Variants in MORN5 observed in about 807,000 individuals in gnomAD.
MORN5 encodes the protein MORN repeat containing 5.
A neutral mutation model predicts 22.1 loss-of-function variants in MORN5; 21 were observed. The observed-to-expected ratio is 0.95, with a 90% CI of 0.67 to 1.37. The LOEUF is 1.37. Among genes scored for constraint, MORN5 ranks in the 40% most tolerant of loss-of-function variants. The pLI, the probability that MORN5 is intolerant of heterozygous loss-of-function variation, is 0.00. For synonymous variants in MORN5, 73 were observed against 74.0 expected, an observed-to-expected ratio of 0.99 and a Z score of 0.07; for missense variants, 211 against 215.1, an observed-to-expected ratio of 0.98 and a Z score of 0.12.
chr9:122,166,130 C>G (rs1473850123), intron 1 of MORN5, among the ~76,000 whole-genome samples: 1 of 152,078 alleles, frequency 6.6e-6, no homozygotes, highest in Non-Finnish European at 1.5e-5. Flanking sequence ...GAGACTTATT[C>G]ACTATCATGA....
At chr9:122,189,827 C>T (rs1373148439) in intron 4 of MORN5, among the ~76,000 whole-genome samples, 1 of 152,030 alleles carries the variant, frequency 6.6e-6, no homozygotes, top group African/African-American at 2.4e-5. Flanking sequence ...AGGATGGTCT[C>T]GATCTCCTGA....
chr9:122,183,253 C>A (rs1437894071), intron 4 of MORN5, among the ~76,000 whole-genome samples: 2 of 152,204 alleles, frequency 1.3e-5, no homozygotes, highest in Non-Finnish European at 2.9e-5. Context: ...CTAACTCTAG[C>A]CCTTCCCCCT....
Position 122,200,054 on chromosome 9 carries a change from T to G in MORN5, c.*123T>G. 1.1e-6 allele frequency: 1 copy of G among 917,826 alleles called. No individual in the cohort carries two copies. Among genetic ancestry groups the G allele is most frequent in the South Asian group, 1.4e-5 (1 of 70,636 alleles). The allele number at this position is 917,826 out of a possible 1,614,324, so 56.9% of individuals were successfully genotyped here. On this transcript the variant is annotated 3_prime_UTR_variant, in exon 5 of 5. Coordinates refer to ENST00000373764, the MANE Select transcript of MORN5 (RefSeq NM_198469.4). Reference sequence around the variant, plus strand: ...GGGCTGTAGTTCTAGAACCTGATTTTAACTCAGGAATAAAGACTTTCTGCG... The same window carrying G: ...GGGCTGTAGTTCTAGAACCTGATTTGAACTCAGGAATAAAGACTTTCTGCG...
intron 4 of MORN5, among the ~76,000 whole-genome samples, chr9:122,180,279 CTTCTTTTTTTTT>C (rs1347079088): frequency 8.1e-6 from 1 of 123,038 alleles, no homozygotes; most frequent in African/African-American, 3.0e-5. Context: ...ATGACATTTT[CTTCTTTTTTTTT>C]TTTTTTTTTT....
At chr9:122,164,416 T>C (rs1829246894) in intron 1 of MORN5, among the ~76,000 whole-genome samples, 1 of 151,974 alleles carries the variant, frequency 6.6e-6, no homozygotes, top group Non-Finnish European at 1.5e-5. Flanking sequence ...TAGGAGAGGT[T>C]TGGGGATTTT....
chr9:122,199,799 C>A, intron 4 of MORN5, 86 bp from the exon 5 acceptor site: 1 of 1,340,100 alleles, frequency 7.5e-7, no homozygotes, highest in Non-Finnish European at 1.1e-6. Flanking sequence ...CCATCCCAGT[C>A]CCAACGCCCC....
At chr9:122,173,634 T>A (rs995729778) in intron 3 of MORN5, among the ~76,000 whole-genome samples, 3 of 152,098 alleles carry the variant, frequency 2.0e-5, no homozygotes, top group African/African-American at 7.2e-5. Flanking sequence ...TATTCCAACC[T>A]CTCCCTTTAC....
intron 4 of MORN5, among the ~76,000 whole-genome samples, chr9:122,189,395 A>G (rs1357797552): frequency 6.6e-6 from 1 of 151,974 alleles, no homozygotes; most frequent in Non-Finnish European, 1.5e-5. Flanking sequence ...GGAGTTTAAG[A>G]CCAGCCTGGA....
rs1048581469 is a variant in MORN5 at position 122,193,070 on chromosome 9, C to T, written c.440-6815C>T. ...CTTCGGCTCAGGGAAGGCTAACATC[C>T]GGGCAGGGTCTGTGGGGGTAGGGGA... On this transcript the variant is annotated intron_variant, in intron 4 of 4. Transcript: ENST00000373764. Among the ~76,000 whole-genome samples the T allele has an allele frequency of 3.3e-5, 5 of 152,190 alleles. No individual in the cohort carries two copies. In the South Asian group the frequency reaches 6.2e-4, roughly 19 times the overall value.
intron 4 of MORN5, among the ~76,000 whole-genome samples, chr9:122,189,340 T>A (rs1829708074): frequency 1.3e-5 from 2 of 152,160 alleles, no homozygotes; most frequent in South Asian, 4.1e-4. Context: ...GTGCCTGTAA[T>A]CCCAGCACCT....
chr9:122,196,156 G>T (rs894271202), intron 4 of MORN5, among the ~76,000 whole-genome samples: 1 of 151,288 alleles, frequency 6.6e-6, no homozygotes, highest in Non-Finnish European at 1.5e-5. Context: ...AGGAGGTTTT[G>T]CCATGTTGCC....
intron 4 of MORN5, among the ~76,000 whole-genome samples, chr9:122,188,356 G>T (rs1414643756): frequency 2.0e-5 from 3 of 152,222 alleles, no homozygotes; most frequent in African/African-American, 7.2e-5. Flanking sequence ...TGTAAAAGAG[G>T]TAATGACATT....
intron 4 of MORN5, among the ~76,000 whole-genome samples, chr9:122,192,749 A>G (rs7855478): frequency 0.21 from 31,255 of 152,054 alleles, 4,296 homozygotes; most frequent in African/African-American, 0.4. Flanking sequence ...GGGCTGCCCA[A>G]TCTATTGCCC....
At chr9:122,190,716 G>T (rs1829743509) in intron 4 of MORN5, among the ~76,000 whole-genome samples, 1 of 152,270 alleles carries the variant, frequency 6.6e-6, no homozygotes, top group Admixed American at 6.5e-5. Flanking sequence ...GGCAGGCTTT[G>T]CCTAGGCAAT....
At chr9:122,176,407 A>G (rs1829452534) in intron 4 of MORN5, among the ~76,000 whole-genome samples, 1 of 152,242 alleles carries the variant, frequency 6.6e-6, no homozygotes, top group African/African-American at 2.4e-5. Flanking sequence ...AGGCTTATTT[A>G]CTGCAGAACT....
intron 1 of MORN5, among the ~76,000 whole-genome samples, chr9:122,164,950 C>T (rs369641936): frequency 2.6e-5 from 4 of 152,280 alleles, no homozygotes; most frequent in South Asian, 2.1e-4. Context: ...ACTCAGGAGA[C>T]GTTTATGAAG....
intron 2 of MORN5, 98 bp downstream of exon 2, chr9:122,167,013 T>C (rs2118742936): frequency 8.4e-7 from 1 of 1,196,286 alleles, no homozygotes. Flanking sequence ...GTGCCCACCT[T>C]GTTCCATTCA....
chr9:122,180,988 C>G (rs1407095494), intron 4 of MORN5, among the ~76,000 whole-genome samples: 1 of 152,198 alleles, frequency 6.6e-6, no homozygotes, highest in African/African-American at 2.4e-5. Flanking sequence ...GCTCCTAGGT[C>G]CCTCGTATTG....
At chr9:122,175,319 A>C (rs1435308984) in intron 4 of MORN5, 1 of 282,868 alleles carries the variant, frequency 3.5e-6, no homozygotes. Flanking sequence ...CTTGAGGTGC[A>C]AGAAGGTTGG....
Sources: allele counts gnomAD v4.1 joint callset (sites outside exome capture counted in the v4.1 genomes callset), GRCh38; gene constraint gnomAD v4.1.1; transcripts MANE v1.5; gene names NCBI Gene and HGNC (gene_info 2026-07-23, HGNC 2026-07-21).